Variants in SEMA4D observed in about 807,000 individuals in gnomAD.
SEMA4D encodes the protein semaphorin-4D.
In SEMA4D, 22 loss-of-function variants were observed where a neutral mutation model predicts 74.8. The ratio of observed to expected loss-of-function variants is 0.29; its 90% CI spans 0.21 to 0.42. The LOEUF (loss-of-function observed/expected upper bound fraction) is 0.42, where lower values mean the gene tolerates loss of function less well. Ranked by LOEUF, SEMA4D falls within the 10% of genes least tolerant of loss-of-function variation. SEMA4D has a pLI of 1.00. For synonymous variants in SEMA4D, 445 were observed against 463.7 expected (o/e 0.96, Z 0.52); for missense variants, 937 against 1,118.4 (o/e 0.84, Z 2.31).
rs1841558696 is a variant in SEMA4D at position 89,398,767 on chromosome 9, G to A, written c.315+509C>T. Among the ~76,000 whole-genome samples the A allele has an allele frequency of 3.3e-5, 5 of 152,182 alleles. No homozygotes were observed. The South Asian group carries it at 1.0e-3, about 32-fold the overall frequency. ...CTCCTGCTGGCACCCAAAACAGCTGGCCAGATCCCACACTTGCTCACTCAT... is the reference window on the plus strand; with the variant it reads ...CTCCTGCTGGCACCCAAAACAGCTGACCAGATCCCACACTTGCTCACTCAT... On this transcript the variant is annotated intron_variant, in intron 5 of 15. Transcript: ENST00000422704.
chr9:89,396,103 C>G (rs1010220582), intron 6 of SEMA4D, among the ~76,000 whole-genome samples: 1 of 152,126 alleles, frequency 6.6e-6, no homozygotes, highest in East Asian at 1.9e-4. Context: ...GGATGTGAGC[C>G]GGTGAGGGAC....
intron 2 of SEMA4D, among the ~76,000 whole-genome samples, chr9:89,430,363 C>T (rs1412883059): frequency 3.3e-5 from 5 of 152,154 alleles, no homozygotes; most frequent in African/African-American, 9.7e-5. Flanking sequence ...GAGTTAGATG[C>T]CCTCCAAGCT....
rs932890574 is a variant in SEMA4D, at chr9:89,405,355, G to A, written c.102C>T (p.His34=). The change falls in exon 3 of 16, where the codon CAC becomes CAT. Residue 34 remains histidine (H), a synonymous_variant. Transcript: ENST00000422704. ...CCTGCAGGTTTCGTCACTCACCTCT[G>A]TGCTCCCAGGTGATCCGGGGTATGG... ...FAPIPRITWE[H]REVHLVQFHE... is the part of the protein sequence containing the mutation. 7 of 1,613,464 alleles carry A rather than the reference G, an allele frequency of 4.3e-6. No homozygotes were observed. The African/African-American group carries it at 8.0e-5, about 18-fold the overall frequency.
chr9:89,464,477 C>G (rs1858150928), intron 1 of SEMA4D, among the ~76,000 whole-genome samples: 1 of 152,080 alleles, frequency 6.6e-6, no homozygotes, highest in Admixed American at 6.5e-5. Flanking sequence ...TGCCCAGGAT[C>G]TGGACAGGAA....
intron 2 of SEMA4D, among the ~76,000 whole-genome samples, chr9:89,413,964 T>C (rs1448024301): frequency 6.6e-6 from 1 of 152,240 alleles, no homozygotes; most frequent in Admixed American, 6.5e-5. Flanking sequence ...TCTGATCTAG[T>C]GTTGCATCTT....
At chr9:89,410,203 C>T (rs954789484) in intron 2 of SEMA4D, among the ~76,000 whole-genome samples, 2 of 152,182 alleles carry the variant, frequency 1.3e-5, no homozygotes, top group Non-Finnish European at 2.9e-5. Flanking sequence ...CAGCAGCACC[C>T]AGCACATGGC....
chr9:89,384,788 T>C (rs994935541), intron 13 of SEMA4D: 8 of 985,214 alleles, frequency 8.1e-6, no homozygotes, highest in Non-Finnish European at 9.6e-6. Context: ...CTGATCACCG[T>C]GAGAGAGCCT....
chr9:89,449,950 A>G, intron 2 of SEMA4D: 5 of 1,528,584 alleles, frequency 3.3e-6, no homozygotes, highest in Non-Finnish European at 4.5e-6. Flanking sequence ...GATGTAGCTC[A>G]GGGGACCCAA....
intron 2 of SEMA4D, among the ~76,000 whole-genome samples, chr9:89,426,864 G>C (rs1478464681): frequency 1.3e-5 from 2 of 152,208 alleles, no homozygotes. Context: ...GTGGGCAGGT[G>C]ACAAGCATCA....
chr9:89,398,308 T>C (rs543709733), intron 5 of SEMA4D, among the ~76,000 whole-genome samples: 25 of 152,270 alleles, frequency 1.6e-4, no homozygotes, highest in African/African-American at 6.0e-4. Context: ...TTCAGAGGGA[T>C]GGCTGGATTT....
At chr9:89,401,601 T>C (rs1187860747) in intron 4 of SEMA4D, among the ~76,000 whole-genome samples, 1 of 152,208 alleles carries the variant, frequency 6.6e-6, no homozygotes, top group African/African-American at 2.4e-5. Context: ...GGTGTTTCAC[T>C]GTGATGGGTC....
intron 2 of SEMA4D, among the ~76,000 whole-genome samples, chr9:89,408,908 G>A (rs1426946733): frequency 6.6e-6 from 1 of 152,198 alleles, no homozygotes; most frequent in East Asian, 1.9e-4. Flanking sequence ...GCTGGGCAAA[G>A]GTCCATACAC....
chr9:89,463,883 G>A (rs183480540), intron 1 of SEMA4D, among the ~76,000 whole-genome samples: 53 of 150,574 alleles, frequency 3.5e-4, no homozygotes, highest in East Asian at 7.8e-4. Context: ...GCGGTGAGCC[G>A]AGATTGCACC....
chr9:89,460,647 T>C (rs1856988440), intron 1 of SEMA4D, among the ~76,000 whole-genome samples: 1 of 152,146 alleles, frequency 6.6e-6, no homozygotes, highest in South Asian at 2.1e-4. Flanking sequence ...GGCTCAAGAA[T>C]ATGTCAGAGA....
chr9:89,403,802 G>C (rs1054952750), intron 3 of SEMA4D, among the ~76,000 whole-genome samples: 6 of 152,120 alleles, frequency 3.9e-5, no homozygotes, highest in Admixed American at 3.3e-4. Context: ...GGTGGCGGGC[G>C]CCTGTAACCC....
intron 13 of SEMA4D, chr9:89,385,073 C>G (rs117075843): frequency 0.024 from 23,659 of 982,336 alleles, 367 homozygotes; most frequent in Non-Finnish European, 0.027. Flanking sequence ...GGGCGCGAGG[C>G]TCCCTGTGTG....
intron 1 of SEMA4D, among the ~76,000 whole-genome samples, chr9:89,461,904 T>C (rs185460229): frequency 9.9e-5 from 15 of 152,166 alleles, no homozygotes; most frequent in Middle Eastern, 3.4e-3. Flanking sequence ...GGTTTCACCA[T>C]GTTGGTCAGG....
At chr9:89,399,217 A>G in intron 5 of SEMA4D, 59 bp downstream of exon 5, 2 of 1,446,714 alleles carry the variant, frequency 1.4e-6, no homozygotes, top group South Asian at 1.1e-5. Context: ...CATTCAGTAG[A>G]TTAAAACAAC....
chr9:89,454,228 A>G (rs1855377314), intron 2 of SEMA4D, among the ~76,000 whole-genome samples: 1 of 152,098 alleles, frequency 6.6e-6, no homozygotes, highest in African/African-American at 2.4e-5. Flanking sequence ...AGGAGTCACA[A>G]CCCGGCTTTC....
Sources: gnomAD v4.1 joint callset for allele counts (sites outside exome capture counted in the v4.1 genomes callset) on GRCh38, gnomAD v4.1.1 for gene constraint, MANE v1.5 for transcripts, NCBI Gene and HGNC (gene_info 2026-07-23, HGNC 2026-07-21) for gene names.